Variants in GRIK3 observed in about 807,000 individuals in gnomAD.
GRIK3 encodes glutamate ionotropic receptor kainate type subunit 3, also known as glutamate receptor ionotropic, kainate 3.
A neutral mutation model predicts 102.5 loss-of-function variants in GRIK3; 29 were observed. The ratio of observed to expected loss-of-function variants is 0.28; its 90% CI spans 0.21 to 0.39. GRIK3 has a LOEUF of 0.39. GRIK3 is among the 10% of genes least tolerant of loss of function. The probability of loss-of-function intolerance (pLI) is 1.00; values close to 1 mark genes in which losing one functional copy is unlikely to be tolerated. For missense variants in GRIK3, 908 were observed against 1,252.4 expected (o/e 0.73, Z 4.15); for synonymous variants, 511 against 504.9 (o/e 1.01, Z -0.16).
At chr1:36,954,869 G>T (rs1360825919) in intron 1 of GRIK3, among the ~76,000 whole-genome samples, 1 of 152,248 alleles carries the variant, frequency 6.6e-6, no homozygotes, top group Non-Finnish European at 1.5e-5. Flanking sequence ...GCAAGTGCCT[G>T]CAGGTGTGGA....
chr1:36,961,224 C>T (rs977417584), intron 1 of GRIK3, among the ~76,000 whole-genome samples: 68 of 152,356 alleles, frequency 4.5e-4, no homozygotes, highest in African/African-American at 1.6e-3. Flanking sequence ...CGCCTGCCCT[C>T]AAGCACCCAC....
chr1:36,993,654 G>A (rs929375012), intron 1 of GRIK3, among the ~76,000 whole-genome samples: 4 of 152,182 alleles, frequency 2.6e-5, no homozygotes, highest in Non-Finnish European at 5.9e-5. Flanking sequence ...AGGCAGAGAG[G>A]GGGTGTGGTG....
chr1:36,950,137 G>C (rs1641829257), intron 1 of GRIK3, among the ~76,000 whole-genome samples: 1 of 152,100 alleles, frequency 6.6e-6, no homozygotes, highest in African/African-American at 2.4e-5. Context: ...TTCTTTCTCA[G>C]AACAATGCTA....
chr1:36,848,513 G>A (rs1029278719), intron 9 of GRIK3, among the ~76,000 whole-genome samples: 1 of 151,162 alleles, frequency 6.6e-6, no homozygotes, highest in Non-Finnish European at 1.5e-5. Context: ...TTTGACATTT[G>A]GGTGTTACAT....
chr1:36,978,320 T>C (rs1435517759), intron 1 of GRIK3, among the ~76,000 whole-genome samples: 2 of 152,246 alleles, frequency 1.3e-5, no homozygotes, highest in Non-Finnish European at 2.9e-5. Context: ...ATCAATATAC[T>C]GAGCCATCAC....
intron 1 of GRIK3, among the ~76,000 whole-genome samples, chr1:37,015,872 G>A (rs1270945364): frequency 6.6e-6 from 1 of 152,262 alleles, no homozygotes; most frequent in Admixed American, 6.5e-5. Context: ...GAGGACTACA[G>A]GGAGCGAACA....
chr1:36,864,626 G>A (rs1410530502), intron 5 of GRIK3, among the ~76,000 whole-genome samples: 5 of 152,194 alleles, frequency 3.3e-5, no homozygotes, highest in Admixed American at 3.3e-4. Flanking sequence ...GCAGCATTTG[G>A]TCTGTTGAGA....
chr1:36,928,402 A>G (rs1331981077), intron 1 of GRIK3, among the ~76,000 whole-genome samples: 2 of 152,148 alleles, frequency 1.3e-5, no homozygotes, highest in Non-Finnish European at 2.9e-5. Flanking sequence ...AGGTGAACAA[A>G]GGATGGTGTG....
rs746765874 is a variant in GRIK3 at position 36,801,815 on chromosome 1, C to T, written c.*36G>A. ...CCAATCTCCTTTGCTTTCCTCTGCCCAGCCCCCAGGCCTGAGGTCCCCACC... is the reference window on the plus strand; with the variant it reads ...CCAATCTCCTTTGCTTTCCTCTGCCTAGCCCCCAGGCCTGAGGTCCCCACC... On this transcript the variant is annotated 3_prime_UTR_variant, in exon 16 of 16. Coordinates refer to ENST00000373091, the MANE Select transcript of GRIK3 (RefSeq NM_000831.4). The T allele has an allele frequency of 1.3e-6, 2 of 1,538,164 alleles. No individual in the cohort carries two copies. The highest frequency in any genetic ancestry group is 1.2e-5 in the South Asian group (1 of 80,638).
chr1:36,878,495 T>C (rs1022240898), intron 3 of GRIK3, among the ~76,000 whole-genome samples: 8 of 152,240 alleles, frequency 5.3e-5, no homozygotes, highest in South Asian at 2.1e-4. Context: ...AAAGCTGACA[T>C]TGAATCACAG....
chr1:37,032,624 G>C (rs898860374), intron 1 of GRIK3, among the ~76,000 whole-genome samples: 1 of 152,186 alleles, frequency 6.6e-6, no homozygotes, highest in Non-Finnish European at 1.5e-5. Flanking sequence ...CTGACCATAA[G>C]GGTTGTCCCC....
chr1:36,852,186 G>C (rs1050790326), intron 8 of GRIK3, among the ~76,000 whole-genome samples: 4 of 152,154 alleles, frequency 2.6e-5, no homozygotes, highest in African/African-American at 9.7e-5. Context: ...GCTATATATG[G>C]TGTGAAATAA....
At chr1:36,941,561 G>T (rs59650723) in intron 1 of GRIK3, among the ~76,000 whole-genome samples, 1 of 151,908 alleles carries the variant, frequency 6.6e-6, no homozygotes. Flanking sequence ...GTGGAGGGGG[G>T]GAGTGCTGTA....
At chr1:36,945,466 C>T (rs1007184419) in intron 1 of GRIK3, among the ~76,000 whole-genome samples, 6 of 152,322 alleles carry the variant, frequency 3.9e-5, no homozygotes, top group African/African-American at 1.4e-4. Flanking sequence ...CAATCATAGG[C>T]TTTCAGACCT....
rs183507160 is a variant in GRIK3, at chr1:36,813,662, C to T, written c.2091+3398G>A. On this transcript the variant is annotated intron_variant, in intron 13 of 15. Transcript: ENST00000373091. ...CTAACCAGAAGGCTATCACCTGGCC[C>T]GGGGGGAAGGTCTACTTAGGAAGTC... 1.8e-4 allele frequency among the ~76,000 whole-genome samples: 27 copies of T among 149,264 alleles called. No individual in the cohort carries two copies. The East Asian group carries it at 3.4e-3, about 19-fold the overall frequency.
chr1:36,941,922 C>A (rs1029634269), intron 1 of GRIK3, among the ~76,000 whole-genome samples: 7 of 152,206 alleles, frequency 4.6e-5, no homozygotes, highest in South Asian at 2.1e-4. Context: ...GCCTATCCCC[C>A]CCTCACCCTG....
At chr1:36,943,997 G>A (rs1641756005) in intron 1 of GRIK3, among the ~76,000 whole-genome samples, 1 of 152,196 alleles carries the variant, frequency 6.6e-6, no homozygotes. Flanking sequence ...GCAGAAAGAT[G>A]CCCCTGGCCC....
intron 1 of GRIK3, among the ~76,000 whole-genome samples, chr1:36,903,946 C>G (rs1159601416): frequency 6.6e-6 from 1 of 152,038 alleles, no homozygotes; most frequent in Non-Finnish European, 1.5e-5. Context: ...CAAGAATGAA[C>G]CTTAATGTAA....
chr1:36,811,834 G>T (rs527266586), intron 13 of GRIK3, among the ~76,000 whole-genome samples: 1 of 152,290 alleles, frequency 6.6e-6, no homozygotes, highest in East Asian at 1.9e-4. Context: ...GAACCCTCTT[G>T]CTAATTGCTG....
Sources: allele counts gnomAD v4.1 joint callset (sites outside exome capture counted in the v4.1 genomes callset), GRCh38; gene constraint gnomAD v4.1.1; transcripts MANE v1.5; gene names NCBI Gene and HGNC (gene_info 2026-07-23, HGNC 2026-07-21).